Variants in LRSAM1 observed in about 807,000 individuals in gnomAD.
LRSAM1 encodes leucine rich repeat and sterile alpha motif containing 1.
Under a neutral mutation model 118.1 loss-of-function variants are expected in LRSAM1, and 96 were observed. The ratio of observed to expected loss-of-function variants is 0.81; its 90% CI spans 0.69 to 0.96. The LOEUF is 0.96. Among genes scored for constraint, LRSAM1 ranks in the 40% least tolerant of loss-of-function variants. The probability of loss-of-function intolerance (pLI) is 0.00; values close to 1 mark genes in which losing one functional copy is unlikely to be tolerated. For missense variants in LRSAM1, 804 were observed against 915.5 expected (o/e 0.88, Z 1.57); for synonymous variants, 322 against 364.2 (o/e 0.88, Z 1.32).
At chr9:127,453,810 C>T (rs2131985874) in intron 2 of LRSAM1, 1 of 156,682 alleles carries the variant, frequency 6.4e-6, no homozygotes, top group East Asian at 1.9e-4. Flanking sequence ...CTGCTGTGGG[C>T]TCAGGACACA....
At position 127,457,454 on chromosome 9, in the gene LRSAM1, C is replaced by T. The variant is rs1437752745; in HGVS notation, c.252+61C>T. On this transcript the variant is annotated intron_variant, in intron 6 of 25. Coordinates refer to ENST00000300417, the MANE Select transcript of LRSAM1 (RefSeq NM_001005373.4). The stretch of plus-strand genomic sequence containing the variant: ...CATGGGGTTCCACGCGGCAGCTGAG[C>T]GCCTGCTCCTTTTGGGCTGCCTCTT... 27 of 1,527,136 alleles carry T rather than the reference C, an allele frequency of 1.8e-5. No individual in the cohort carries two copies. The Middle Eastern group carries it at 5.0e-4, about 29-fold the overall frequency. 94.6% of individuals were successfully genotyped at this position (1,527,136 alleles called of 1,614,324 possible).
At chr9:127,484,285 C>CTTTTTTTTTT (rs1301004172) in intron 16 of LRSAM1, among the ~76,000 whole-genome samples, 30 of 141,786 alleles carry the variant, frequency 2.1e-4, no homozygotes, top group Non-Finnish European at 2.3e-4. Context: ...TTTTTTCCTG[C>CTTTTTTTTTT]TTCTTTATTT....
intron 18 of LRSAM1, 30 bp from the exon 19 acceptor site, chr9:127,489,414 C>T (rs1588130444): frequency 1.9e-6 from 3 of 1,593,262 alleles, no homozygotes; most frequent in Non-Finnish European, 8.5e-7. Flanking sequence ...GGGCACGGCC[C>T]CTGCTGAGGG....
chr9:127,480,214 G>A (rs571039341), intron 14 of LRSAM1, among the ~76,000 whole-genome samples: 50 of 152,254 alleles, frequency 3.3e-4, no homozygotes, highest in Middle Eastern at 3.4e-3. Flanking sequence ...CTGTGGCCTC[G>A]GGCAAATGTT....
At chr9:127,471,290 T>A (rs965560931) in intron 10 of LRSAM1, among the ~76,000 whole-genome samples, 3 of 150,050 alleles carry the variant, frequency 2.0e-5, no homozygotes, top group African/African-American at 7.4e-5. Flanking sequence ...ATGGGCAACA[T>A]GGCAAAACTT....
At chr9:127,501,278 GA>G in intron 25 of LRSAM1, 135 bp downstream of exon 25, 2 of 1,198,276 alleles carry the variant, frequency 1.7e-6, no homozygotes, top group South Asian at 3.0e-5. Flanking sequence ...AAGAAGGCAG[GA>G]AATAAAGATG....
chr9:127,488,149 G>A (rs1835799869), intron 18 of LRSAM1, among the ~76,000 whole-genome samples: 2 of 152,162 alleles, frequency 1.3e-5, no homozygotes, highest in Non-Finnish European at 2.9e-5. Flanking sequence ...GCTGCTATCT[G>A]CTCTTCCATC....
At chr9:127,482,917 AT>A in intron 15 of LRSAM1, 32 bp from the exon 16 acceptor site, 1 of 1,547,202 alleles carries the variant, frequency 6.5e-7, no homozygotes, top group Non-Finnish European at 8.7e-7. Flanking sequence ...GAAATGTTAA[AT>A]TTGCTGAATG....
In LRSAM1 at chr9:127,501,077, G is replaced by A. The variant is rs147805183; in HGVS notation, c.1980G>A (p.Arg660=). ...CCCAGGAGCCTCCTGAGTCTGTGAG[G>A]CCATCCGCTCCCCCTGCAGAGCTGG... ...TAPQEPPESV[R]PSAPPAELEV... Residue 660 remains arginine, a synonymous_variant, in exon 25 of 26, where the codon AGG becomes AGA. Coordinates refer to ENST00000300417, the MANE Select transcript of LRSAM1 (RefSeq NM_001005373.4). The A allele has an allele frequency of 8.6e-5, 138 of 1,613,820 alleles. No individual in the cohort carries two copies. The highest frequency in any genetic ancestry group is 1.1e-4 in the Non-Finnish European group (125 of 1,180,024).
At chr9:127,467,523 T>G (rs935083760) in intron 9 of LRSAM1, among the ~76,000 whole-genome samples, 2 of 152,090 alleles carry the variant, frequency 1.3e-5, no homozygotes, top group Non-Finnish European at 2.9e-5. Flanking sequence ...AGAGAGTCAC[T>G]CAGGTTAAAA....
chr9:127,474,309 C>T (rs145114464), intron 11 of LRSAM1, among the ~76,000 whole-genome samples: 1 of 151,282 alleles, frequency 6.6e-6, no homozygotes, highest in African/African-American at 2.4e-5. Context: ...GCTCCATCAC[C>T]CAGGCTGGAG....
intron 17 of LRSAM1, 94 bp downstream of exon 17, chr9:127,485,929 G>T: frequency 8.4e-7 from 1 of 1,189,306 alleles, no homozygotes. Flanking sequence ...TAAACCTCCC[G>T]CCCTGGGCCA....
chr9:127,454,506 A>T lies in LRSAM1; in HGVS notation c.-22A>T, dbSNP rs1470454505. 6.2e-7 allele frequency: 1 copy of T among 1,613,942 alleles called. No homozygotes were observed. The highest frequency in any genetic ancestry group is 8.5e-7 in the Non-Finnish European group (1 of 1,180,012). ...TCTCCTGTGCCCCAGGGTCCTAAAG[A>T]TCGCTCTGGGAAAAGGGAAGGATGC... is the stretch of plus-strand genomic sequence containing the variant. On this transcript the variant is annotated 5_prime_UTR_variant, in exon 3 of 26. Transcript: ENST00000300417.
chr9:127,475,014 G>A (rs564231644), intron 11 of LRSAM1, among the ~76,000 whole-genome samples: 17 of 151,886 alleles, frequency 1.1e-4, no homozygotes, highest in Admixed American at 2.6e-4. Flanking sequence ...ACCCTTTCCC[G>A]TTTTCCACTG....
At chr9:127,496,171 C>A in intron 23 of LRSAM1, 76 bp downstream of exon 23, 3 of 1,583,924 alleles carry the variant, frequency 1.9e-6, no homozygotes, top group East Asian at 2.2e-5. Flanking sequence ...TTGATCTGCT[C>A]CTTGTGTAGT....
chr9:127,463,488 CCTT>C (rs1171121041), intron 9 of LRSAM1, among the ~76,000 whole-genome samples: 1 of 152,150 alleles, frequency 6.6e-6, no homozygotes, highest in African/African-American at 2.4e-5. Flanking sequence ...AGGCCTCCCT[CCTT>C]GGCTTGTAGG....
At chr9:127,472,797 G>C (rs1835221683) in intron 10 of LRSAM1, among the ~76,000 whole-genome samples, 1 of 152,114 alleles carries the variant, frequency 6.6e-6, no homozygotes, top group Non-Finnish European at 1.5e-5. Flanking sequence ...CCTTAAACTG[G>C]TCACAGGATT....
chr9:127,483,880 C>T (rs933164600), intron 16 of LRSAM1, among the ~76,000 whole-genome samples: 2 of 152,168 alleles, frequency 1.3e-5, no homozygotes, highest in Non-Finnish European at 2.9e-5. Flanking sequence ...CCAGGCTGCT[C>T]TTGAACTCCT....
At chr9:127,483,522 G>C (rs959559434) in intron 16 of LRSAM1, among the ~76,000 whole-genome samples, 2 of 152,118 alleles carry the variant, frequency 1.3e-5, no homozygotes, top group Non-Finnish European at 2.9e-5. Context: ...TCCATATGCT[G>C]TGGCACTCTG....
Sources: allele counts gnomAD v4.1 joint callset (sites outside exome capture counted in the v4.1 genomes callset), GRCh38; gene constraint gnomAD v4.1.1; transcripts MANE v1.5; gene names NCBI Gene and HGNC (gene_info 2026-07-23, HGNC 2026-07-21).